Variants in S1PR5 observed in about 807,000 individuals in gnomAD.
S1PR5 encodes sphingosine 1-phosphate receptor 5.
For synonymous variants in S1PR5, 307 were observed against 284.7 expected (o/e 1.08, Z -0.79); for missense variants, 583 against 571.7 (o/e 1.02, Z -0.20).
At chr19:10,517,334 A>G in intron 1 of S1PR5, 64 bp downstream of exon 1, 3 of 975,216 alleles carry the variant, frequency 3.1e-6, no homozygotes, top group Non-Finnish European at 3.7e-6. Flanking sequence ...AGTGGCCGCC[A>G]GGGCGACCCC....
At position 10,514,797 on chromosome 19, in the gene S1PR5, A is replaced by T; in HGVS notation, c.215T>A (p.Phe72Tyr). The T allele has an allele frequency of 6.2e-7, 1 of 1,613,254 alleles. No homozygotes were observed. The highest frequency in any genetic ancestry group is 8.5e-7 in the Non-Finnish European group (1 of 1,179,812). Residue 72 changes from phenylalanine (F) to tyrosine (Y), a missense_variant, in exon 2 of 2, where the codon TTC (phenylalanine) becomes TAC (tyrosine). Transcript: ENST00000333430. The stretch of plus-strand genomic sequence containing the variant: ...CAACGTGAGGCTGCCCAGGAGCAGG[A>T]ACATGGGAGCGTGGAAGCGCGGGTG... ...GRHPRFHAPM[F>Y]LLLGSLTLSD...
At position 10,513,632 on chromosome 19, in the gene S1PR5, G is replaced by T; in HGVS notation, c.*183C>A. ...GAGTTCTTTTCTGTGTTCCCAAGCAGAACGTCAATTCCACGAGGGCACAGA... is the reference window on the plus strand; with the variant it reads ...GAGTTCTTTTCTGTGTTCCCAAGCATAACGTCAATTCCACGAGGGCACAGA... On this transcript the variant is annotated 3_prime_UTR_variant, in exon 2 of 2. Transcript: ENST00000333430. The T allele has an allele frequency of 1.3e-6, 1 of 769,508 alleles. No homozygotes were observed. Among genetic ancestry groups the T allele is most frequent in the East Asian group, 2.8e-5 (1 of 35,540 alleles). The allele number at this position is 769,508 out of a possible 1,614,324, so 47.7% of individuals were successfully genotyped here.
chr19:10,517,494 G>T, upstream of S1PR5: 1 of 985,632 alleles, frequency 1.0e-6, no homozygotes, highest in Non-Finnish European at 1.2e-6. Context: ...CAGGCGAGGG[G>T]GCGGGCCAGC....
In S1PR5 at chr19:10,514,295, C is replaced by G; in HGVS notation, c.717G>C (p.Arg239=). 6.4e-7 allele frequency: 1 copy of G among 1,568,372 alleles called. No homozygotes were observed. The highest frequency in any genetic ancestry group is 1.2e-5 in the South Asian group (1 of 86,544). The change falls in exon 2 of 2, where the codon CGG becomes CGC. Residue 239 remains arginine, a synonymous_variant. Transcript: ENST00000333430. ...CCAGCGAGCGCGGCTTGCGACGCGC[C>G]CGGGTCGAGGTGGTCCCCGCAGTCC... ...RPGTAGTTST[R]ARRKPRSLAL...
Position 10,513,687 on chromosome 19 carries a change from T to G in S1PR5, c.*128A>C. The G allele has an allele frequency of 7.7e-7, 1 of 1,295,454 alleles. No homozygotes were observed. The highest frequency in any genetic ancestry group is 2.5e-5 in the East Asian group (1 of 40,416). 80.2% of individuals were successfully genotyped at this position (1,295,454 alleles called of 1,614,324 possible). The stretch of plus-strand genomic sequence containing the variant: ...TTGTCTGTTTGTTCACATTGTGGGG[T>G]GTCGCTGCATAAATACATTTCCCCT... On this transcript the variant is annotated 3_prime_UTR_variant, in exon 2 of 2. Transcript: ENST00000333430.
rs1333336747 is a variant in S1PR5 at position 10,514,975 on chromosome 19, C to A, written c.37G>T (p.Glu13Ter). The change falls in exon 2 of 2, where the codon GAG becomes TAG. Residue 13 changes from glutamate to a stop codon, truncating the protein, a stop_gained. Coordinates refer to ENST00000333430, the MANE Select transcript of S1PR5 (RefSeq NM_030760.5). LOFTEE classifies it low-confidence loss of function (END_TRUNC). ...TAGTTGTAATGCAGGACGATGACCT[C>A]GCTCACCGGCGCCGGCCGCAGCAGC... is the stretch of plus-strand genomic sequence containing the variant. ...SGLLRPAPVS[E>*]VIVLHYNYTG... 1 of 1,582,242 alleles carries A rather than the reference C, an allele frequency of 6.3e-7. No homozygotes were observed. The highest frequency in any genetic ancestry group is 8.6e-7 in the Non-Finnish European group (1 of 1,167,488).
chr19:10,515,012 G>T lies in S1PR5; in HGVS notation c.-1C>A, dbSNP rs767440311. 2.6e-6 allele frequency: 4 copies of T among 1,550,456 alleles called. No homozygotes were observed. The South Asian group carries it at 4.8e-5, about 19-fold the overall frequency. On this transcript the variant is annotated 5_prime_UTR_variant, in exon 2 of 2. Coordinates refer to ENST00000333430, the MANE Select transcript of S1PR5 (RefSeq NM_030760.5). ...CCGGCCGCAGCAGCCCCGACTCCAT[G>T]GGCCGCGCGCCCCAAGGCTGTTGGA... is the stretch of plus-strand genomic sequence containing the variant.
intron 1 of S1PR5, among the ~76,000 whole-genome samples, chr19:10,515,482 A>G (rs962882875): frequency 5.9e-5 from 9 of 152,130 alleles, no homozygotes; most frequent in Admixed American, 1.3e-4. Context: ...GCATGGTGGC[A>G]CGTGCCTGTA....
chr19:10,516,584 G>T (rs533447233), intron 1 of S1PR5, among the ~76,000 whole-genome samples: 2 of 143,846 alleles, frequency 1.4e-5, no homozygotes, highest in African/African-American at 5.1e-5. Flanking sequence ...TCCAGCCTGG[G>T]TGACAAGAGA....
chr19:10,514,460 A>T lies in S1PR5; in HGVS notation c.552T>A (p.Thr184=). ...NCLGRLDACS[T]VLPLYAKAYV... is the part of the protein sequence containing the mutation. ...AGGCCTTGGCGTAGAGCGGCAAGAC[A>T]GTGGAGCAAGCGTCCAGGCGACCCA... is the stretch of plus-strand genomic sequence containing the variant. Residue 184 remains threonine (T), a synonymous_variant, in exon 2 of 2, where the codon ACT becomes ACA. Coordinates refer to ENST00000333430, the MANE Select transcript of S1PR5 (RefSeq NM_030760.5). The T allele has an allele frequency of 1.2e-6, 2 of 1,609,064 alleles. No individual in the cohort carries two copies. The highest frequency in any genetic ancestry group is 2.2e-5 in the East Asian group (1 of 44,700).
In S1PR5 at chr19:10,513,413, A is replaced by C. The variant is rs1915332450; in HGVS notation, c.*402T>G. On this transcript the variant is annotated 3_prime_UTR_variant, in exon 2 of 2. Coordinates refer to ENST00000333430, the MANE Select transcript of S1PR5 (RefSeq NM_030760.5). ...CACCAGCATCGCTGCATTTCTTAGAACACATGGGCACATTTCAGCCTCAGG... is the reference window on the plus strand; with the variant it reads ...CACCAGCATCGCTGCATTTCTTAGACCACATGGGCACATTTCAGCCTCAGG... 13 of 460,416 alleles carry C rather than the reference A, an allele frequency of 2.8e-5. No homozygotes were observed. In the South Asian group the frequency reaches 6.7e-4, roughly 24 times the overall value. 28.5% of individuals were successfully genotyped at this position (460,416 alleles called of 1,614,324 possible).
chr19:10,514,241 G>A lies in S1PR5; in HGVS notation c.771C>T (p.Leu257=), dbSNP rs754330839. 4.4e-6 allele frequency: 7 copies of A among 1,603,148 alleles called. No individual in the cohort carries two copies. In the Admixed American group the frequency reaches 1.0e-4, roughly 24 times the overall value. Reference sequence around the variant, plus strand: ...GGCCCCAACATGCCACAAAGGCCAGGAGCACCACGCTGAGCGTGCGCAGCA... The same window carrying A: ...GGCCCCAACATGCCACAAAGGCCAGAAGCACCACGCTGAGCGTGCGCAGCA... The part of the protein sequence containing the change: ...LALLRTLSVV[L]LAFVACWGPL... The change falls in exon 2 of 2, where the codon CTC becomes CTT. Residue 257 remains leucine, a synonymous_variant. Coordinates refer to ENST00000333430, the MANE Select transcript of S1PR5 (RefSeq NM_030760.5).
rs1316240911 is a variant in S1PR5, at chr19:10,514,317, G to C, written c.695C>G (p.Thr232Ser). The C allele has an allele frequency of 1.3e-6, 2 of 1,567,258 alleles. No homozygotes were observed. The highest frequency in any genetic ancestry group is 1.7e-6 in the Non-Finnish European group (2 of 1,157,022). The change falls in exon 2 of 2, where the codon ACT (threonine) becomes AGT (serine). Residue 232 changes from threonine (T) to serine (S), a missense_variant. Thr to Ser is a moderately conservative substitution (Grantham distance 58). Coordinates refer to ENST00000333430, the MANE Select transcript of S1PR5 (RefSeq NM_030760.5). Reference protein sequence around the residue: ...NARRLPARPGTAGTTSTRARR... With the variant: ...NARRLPARPGSAGTTSTRARR... ...CGCCCGGGTCGAGGTGGTCCCCGCA[G>C]TCCCGGGCCGTGCCGGCAGGCGCCG...
upstream of S1PR5, chr19:10,517,679 G>A (rs1449595560): frequency 3.0e-6 from 3 of 985,374 alleles, no homozygotes; most frequent in African/African-American, 1.7e-5. Flanking sequence ...TCCCAGGGAC[G>A]CTCCATCGCG....
chr19:10,517,752 C>T (rs529322332), upstream of S1PR5: 60 of 958,008 alleles, frequency 6.3e-5, no homozygotes, highest in East Asian at 5.9e-3. Context: ...CAGCCTGAGC[C>T]TCTTCTCCCC....
Position 10,513,849 on chromosome 19 carries a change from G to A in S1PR5, c.1163C>T (p.Ala388Val). ...STGSPGAPTA[A>V]RTLVSEPAAD is the part of the protein sequence containing the mutation. ...AGCCGGTTCTGATACCAGAGTCCGG[G>A]CGGCTGTGGGTGCACCGGGGCTGCC... The change falls in exon 2 of 2, where the codon GCC becomes GTC. Residue 388 changes from alanine to valine, a missense_variant. By Grantham distance (64) the Ala-to-Val change is moderately conservative. Transcript: ENST00000333430. The A allele has an allele frequency of 6.2e-7, 1 of 1,612,544 alleles. No individual in the cohort carries two copies. The highest frequency in any genetic ancestry group is 8.5e-7 in the Non-Finnish European group (1 of 1,179,830).
chr19:10,516,359 A>G (rs1008974030), intron 1 of S1PR5, among the ~76,000 whole-genome samples: 2 of 151,922 alleles, frequency 1.3e-5, no homozygotes, highest in African/African-American at 4.8e-5. Context: ...TAATCCCAGC[A>G]CTTTGGGAGG....
chr19:10,515,277 G>T (rs34585310), intron 1 of S1PR5, among the ~76,000 whole-genome samples: 19,812 of 152,004 alleles, frequency 0.13, 1,488 homozygotes, highest in East Asian at 0.27. Flanking sequence ...GGCTGGGCGC[G>T]GTGGTTCACA....
chr19:10,517,754 C>T, upstream of S1PR5: 3 of 956,696 alleles, frequency 3.1e-6, no homozygotes, highest in Non-Finnish European at 3.7e-6. Flanking sequence ...GCCTGAGCCT[C>T]TTCTCCCCAG....
Sources: gnomAD v4.1 joint callset for allele counts (sites outside exome capture counted in the v4.1 genomes callset) on GRCh38, gnomAD v4.1.1 for gene constraint, MANE v1.5 for transcripts, NCBI Gene and HGNC (gene_info 2026-07-23, HGNC 2026-07-21) for gene names.